The following SLC4A4 variants were observed in gnomAD, a reference collection of about 807,000 sequenced individuals.
SLC4A4 encodes solute carrier family 4 member 4.
Under a neutral mutation model 111.5 loss-of-function variants are expected in SLC4A4, and 27 were observed. That is an observed-to-expected ratio of 0.24 (90% confidence interval 0.18 to 0.33). The LOEUF (loss-of-function observed/expected upper bound fraction) is 0.33, where lower values mean the gene tolerates loss of function less well. SLC4A4 is among the 10% of genes least tolerant of loss of function. The probability of loss-of-function intolerance (pLI) is 1.00; values close to 1 mark genes in which losing one functional copy is unlikely to be tolerated. For missense variants in SLC4A4, 909 were observed against 1,315.5 expected (o/e 0.69, Z 4.78); for synonymous variants, 443 against 463.4 (o/e 0.96, Z 0.57).
intron 1 of SLC4A4, among the ~76,000 whole-genome samples, chr4:71,232,363 C>T (rs1231969588): frequency 6.6e-6 from 1 of 152,110 alleles, no homozygotes; most frequent in East Asian, 1.9e-4. Flanking sequence ...CTGAACTTTT[C>T]TACTATCCCC....
intron 7 of SLC4A4, among the ~76,000 whole-genome samples, chr4:71,435,500 CA>C (rs1237200483): frequency 6.6e-6 from 1 of 152,032 alleles, no homozygotes; most frequent in African/African-American, 2.4e-5. Flanking sequence ...TAGGCATAGG[CA>C]AAGACTTCAT....
chr4:71,435,141 C>T (rs1311704817), intron 7 of SLC4A4, among the ~76,000 whole-genome samples: 2 of 152,128 alleles, frequency 1.3e-5, no homozygotes, highest in African/African-American at 4.8e-5. Context: ...AGGCATCACA[C>T]TACCTGACTT....
chr4:71,404,281 T>A (rs982939456), intron 7 of SLC4A4, among the ~76,000 whole-genome samples: 4 of 152,172 alleles, frequency 2.6e-5, no homozygotes, highest in African/African-American at 9.7e-5. Context: ...CTCTGAAGAA[T>A]GGTAACAGGA....
rs569366160 is a variant in SLC4A4, at chr4:71,515,241, A to T, written c.2167-16821A>T. Reference sequence around the variant, plus strand: ...TAATTTCTTTGTTGACTCAAAGGTCATTCAGAAGCACGTTTAATTTCTATA... The same window carrying T: ...TAATTTCTTTGTTGACTCAAAGGTCTTTCAGAAGCACGTTTAATTTCTATA... On this transcript the variant is annotated intron_variant, in intron 16 of 25. Coordinates refer to ENST00000264485, the MANE Select transcript of SLC4A4 (RefSeq NM_001098484.3). Among the ~76,000 whole-genome samples, 6 of 152,204 alleles carry T rather than the reference A, an allele frequency of 3.9e-5. No homozygotes were observed. In the East Asian group the frequency reaches 9.6e-4, roughly 24 times the overall value.
chr4:71,293,515 A>T (rs1034366943), intron 3 of SLC4A4, among the ~76,000 whole-genome samples: 2 of 151,780 alleles, frequency 1.3e-5, no homozygotes, highest in Non-Finnish European at 2.9e-5. Flanking sequence ...ATGAGCCAAG[A>T]TCACACCACT....
chr4:71,068,880 T>C (rs2148929190), intron 1 of SLC4A4, among the ~76,000 whole-genome samples: 1 of 152,348 alleles, frequency 6.6e-6, no homozygotes, highest in South Asian at 2.1e-4. Context: ...CAGCCATTTT[T>C]AGCAGTGCTT....
chr4:71,418,847 T>C (rs1358436096), intron 7 of SLC4A4, among the ~76,000 whole-genome samples: 1 of 152,206 alleles, frequency 6.6e-6, no homozygotes, highest in African/African-American at 2.4e-5. Flanking sequence ...TCTTTGATGA[T>C]GGTGATGTAC....
intron 4 of SLC4A4, among the ~76,000 whole-genome samples, chr4:71,346,063 T>C (rs914162844): frequency 1.3e-5 from 2 of 152,100 alleles, no homozygotes; most frequent in African/African-American, 2.4e-5. Flanking sequence ...ACAACTGATA[T>C]GTTATTAAGT....
Position 71,569,076 on chromosome 4 carries a change from T to A in SLC4A4, c.*1325T>A, listed in dbSNP as rs1181963502. On this transcript the variant is annotated 3_prime_UTR_variant, in exon 26 of 26. Transcript: ENST00000264485. Reference sequence around the variant, plus strand: ...CTCTGTGCCATGGCTGGTGTATATATGTGCAATGTTAGAAGGCAAAAGAGT... The same window carrying A: ...CTCTGTGCCATGGCTGGTGTATATAAGTGCAATGTTAGAAGGCAAAAGAGT... 6.6e-6 allele frequency: 1 copy of A among 151,690 alleles called. No homozygotes were observed. Among genetic ancestry groups the A allele is most frequent in the African/African-American group, 2.4e-5 (1 of 41,378 alleles). The allele number at this position is 151,690 out of a possible 1,614,324, so 9.4% of individuals were successfully genotyped here. A position where few individuals can be genotyped will look rare whatever the true frequency, so the allele number is the denominator to read the frequency against.
intron 16 of SLC4A4, among the ~76,000 whole-genome samples, chr4:71,512,261 C>T (rs962269926): frequency 2.0e-5 from 3 of 152,046 alleles, no homozygotes; most frequent in Non-Finnish European, 4.4e-5. Context: ...ACATTTCTAC[C>T]AACCATATAA....
intron 2 of SLC4A4, among the ~76,000 whole-genome samples, chr4:71,159,495 C>T (rs1396417415): frequency 6.6e-6 from 1 of 152,010 alleles, no homozygotes; most frequent in African/African-American, 2.4e-5. Flanking sequence ...TCCTGAGTAG[C>T]TGGGATTACA....
chr4:71,494,001 G>A (rs1730179566), intron 15 of SLC4A4, among the ~76,000 whole-genome samples: 1 of 151,708 alleles, frequency 6.6e-6, no homozygotes, highest in Non-Finnish European at 1.5e-5. Flanking sequence ...TTCCATTGTG[G>A]ATACCCTAGA....
At chr4:71,392,738 T>G (rs368351050) in intron 6 of SLC4A4, among the ~76,000 whole-genome samples, 1 of 152,114 alleles carries the variant, frequency 6.6e-6, no homozygotes, top group Admixed American at 6.6e-5. Flanking sequence ...CTGAAATCTT[T>G]GATGAACATA....
At chr4:71,343,429 C>T (rs1206789508) in intron 4 of SLC4A4, among the ~76,000 whole-genome samples, 2 of 152,162 alleles carry the variant, frequency 1.3e-5, no homozygotes, top group African/African-American at 4.8e-5. Flanking sequence ...TTGGAATCAA[C>T]TAATCGGAGG....
intron 1 of SLC4A4, among the ~76,000 whole-genome samples, chr4:71,208,017 C>A (rs1013553412): frequency 6.6e-6 from 1 of 152,174 alleles, no homozygotes; most frequent in African/African-American, 2.4e-5. Flanking sequence ...GCTTGTTGCC[C>A]AGGCTGGTCT....
intron 6 of SLC4A4, among the ~76,000 whole-genome samples, chr4:71,358,749 TACTTA>T (rs1730505617): frequency 6.6e-6 from 1 of 152,134 alleles, no homozygotes; most frequent in Non-Finnish European, 1.5e-5. Flanking sequence ...AAAGAGGGGT[TACTTA>T]ATGGCTAGAA....
chr4:71,253,893 A>G (rs577868869), intron 2 of SLC4A4, among the ~76,000 whole-genome samples: 68 of 152,278 alleles, frequency 4.5e-4, no homozygotes, highest in African/African-American at 1.6e-3. Flanking sequence ...TTTGAATACT[A>G]ACCCATTCAC....
chr4:71,428,208 TA>T (rs1577876907), intron 7 of SLC4A4, among the ~76,000 whole-genome samples: 1 of 152,162 alleles, frequency 6.6e-6, no homozygotes, highest in Admixed American at 6.6e-5. Flanking sequence ...TCAGAGAGCA[TA>T]AATAACCTAC....
chr4:71,145,836 C>A (rs188589588), intron 2 of SLC4A4, among the ~76,000 whole-genome samples: 2 of 152,094 alleles, frequency 1.3e-5, no homozygotes, highest in Non-Finnish European at 2.9e-5. Context: ...ATTCTTCTCT[C>A]TTTTCTTCTT....
Sources: allele counts gnomAD v4.1 joint callset (sites outside exome capture counted in the v4.1 genomes callset), GRCh38; gene constraint gnomAD v4.1.1; transcripts MANE v1.5; gene names NCBI Gene and HGNC (gene_info 2026-07-23, HGNC 2026-07-21).